Variants in SSH1 observed in about 807,000 individuals in gnomAD.
The protein encoded by SSH1 is slingshot protein phosphatase 1, also known as protein phosphatase Slingshot homolog 1.
Under a neutral mutation model 79.7 loss-of-function variants are expected in SSH1, and 43 were observed. The ratio of observed to expected loss-of-function variants is 0.54; its 90% CI spans 0.42 to 0.70. SSH1 has a LOEUF of 0.70. SSH1 is among the 30% of genes least tolerant of loss of function. SSH1 has a pLI of 0.00. For missense variants in SSH1, 1,206 were observed against 1,358.8 expected, an observed-to-expected ratio of 0.89 and a Z score of 1.77; for synonymous variants, 599 against 538.3, an observed-to-expected ratio of 1.11 and a Z score of -1.56.
chr12:108,811,220 C>T (rs1565990984), intron 6 of SSH1, 40 bp downstream of exon 6: 1 of 1,592,800 alleles, frequency 6.3e-7, no homozygotes, highest in African/African-American at 1.3e-5. Context: ...TCAATGCCTA[C>T]TACATACAGT....
rs889937196 is a variant in SSH1 at position 108,786,990 on chromosome 12, C to T, written c.*998G>A. On this transcript the variant is annotated 3_prime_UTR_variant, in exon 15 of 15. Transcript: ENST00000326495. ...GCAGGAAGGGGCAACTGTAGACATC[C>T]GGGAAGCATCCCGACAGTCCCGTTC... 2.0e-5 allele frequency: 3 copies of T among 152,296 alleles called. No homozygotes were observed. Among genetic ancestry groups the T allele is most frequent in the East Asian group, 1.9e-4 (1 of 5,182 alleles). 9.4% of individuals were successfully genotyped at this position (152,296 alleles called of 1,614,324 possible). A position where few individuals can be genotyped will look rare whatever the true frequency, so the allele number is the denominator to read the frequency against.
intron 12 of SSH1, 102 bp downstream of exon 12, chr12:108,800,678 C>A (rs1296523467): frequency 6.8e-7 from 1 of 1,462,574 alleles, no homozygotes; most frequent in East Asian, 2.3e-5. Context: ...TAGGATCCCC[C>A]CTCCCACCAG....
At position 108,789,916 on chromosome 12, in the gene SSH1, A is replaced by G. The variant is rs2036431197; in HGVS notation, c.1894-672T>C. Among the ~76,000 whole-genome samples, 3 of 151,930 alleles carry G rather than the reference A, an allele frequency of 2.0e-5. No individual in the cohort carries two copies. In the South Asian group the frequency reaches 6.2e-4, roughly 32 times the overall value. On this transcript the variant is annotated intron_variant, in intron 14 of 14. Transcript: ENST00000326495. The stretch of plus-strand genomic sequence containing the variant: ...ACTATGTTGCCCAGGCTGGTCTCGA[A>G]CTCCTGGGCTCAAGTGTTCCTCCTG...
intron 2 of SSH1, among the ~76,000 whole-genome samples, chr12:108,825,356 C>G (rs952635695): frequency 6.6e-6 from 1 of 152,184 alleles, no homozygotes; most frequent in Non-Finnish European, 1.5e-5. Context: ...AAAAACTCAG[C>G]AAAGTCTAAA....
Position 108,788,637 on chromosome 12 carries a change from C to T in SSH1, c.2501G>A (p.Ser834Asn), listed in dbSNP as rs771705679. ...GGGAGGTGCTGGGTCTGCAGGCACG[C>T]TCTTCAGCCGCTCTAGCTCTTTGGT... is the stretch of plus-strand genomic sequence containing the variant. ...KHTKELERLK[S>N]VPADPAPPSR... is the part of the protein sequence containing the mutation. Residue 834 changes from serine (S) to asparagine (N), a missense_variant, in exon 15 of 15, where the codon AGC (serine) becomes AAC (asparagine). Physicochemically the swap from Ser to Asn is conservative, Grantham distance 46. Coordinates refer to ENST00000326495, the MANE Select transcript of SSH1 (RefSeq NM_018984.4). 2.5e-6 allele frequency: 4 copies of T among 1,613,526 alleles called. No individual in the cohort carries two copies. Among genetic ancestry groups the T allele is most frequent in the Non-Finnish European group, 3.4e-6 (4 of 1,179,584 alleles).
At chr12:108,789,665 G>A (rs577643255) in intron 14 of SSH1, among the ~76,000 whole-genome samples, 1 of 152,240 alleles carries the variant, frequency 6.6e-6, no homozygotes, top group East Asian at 1.9e-4. Flanking sequence ...TCCGCGGAGG[G>A]AAGGCTTCCC....
chr12:108,820,963 G>A (rs550428404), intron 3 of SSH1, among the ~76,000 whole-genome samples: 1 of 152,364 alleles, frequency 6.6e-6, no homozygotes, highest in Non-Finnish European at 1.5e-5. Context: ...CTTTGGATTA[G>A]AGGAAGGAGG....
chr12:108,814,763 G>A (rs1036020267), intron 5 of SSH1, among the ~76,000 whole-genome samples: 3 of 152,250 alleles, frequency 2.0e-5, no homozygotes, highest in African/African-American at 7.2e-5. Context: ...GAGCATGCAG[G>A]AGAGGCGAGG....
chr12:108,805,255 G>A (rs1027161691), intron 9 of SSH1, 71 bp from the exon 10 acceptor site: 1 of 1,558,654 alleles, frequency 6.4e-7, no homozygotes, highest in African/African-American at 1.4e-5. Context: ...AAGAATTAAA[G>A]TTACAATGGA....
intron 2 of SSH1, among the ~76,000 whole-genome samples, chr12:108,833,471 A>G (rs1455697597): frequency 6.6e-6 from 1 of 152,230 alleles, no homozygotes; most frequent in Admixed American, 6.5e-5. Context: ...CGACTGTCCC[A>G]GGTTCTCAGC....
intron 9 of SSH1, among the ~76,000 whole-genome samples, 160 bp from the exon 10 acceptor site, chr12:108,805,344 G>A (rs1468866013): frequency 6.6e-6 from 1 of 152,200 alleles, no homozygotes; most frequent in Non-Finnish European, 1.5e-5. Flanking sequence ...ACATACATGC[G>A]TGGGTGGCAG....
chr12:108,855,963 AG>A (rs2039135036), intron 1 of SSH1, among the ~76,000 whole-genome samples: 2 of 152,350 alleles, frequency 1.3e-5, no homozygotes, highest in Admixed American at 1.3e-4. Context: ...ACCAGGAGAC[AG>A]GGCTGTCAAG....
intron 2 of SSH1, among the ~76,000 whole-genome samples, chr12:108,845,486 G>A (rs1416644890): frequency 2.0e-5 from 3 of 152,146 alleles, no homozygotes; most frequent in African/African-American, 2.4e-5. Flanking sequence ...TCAGGTGCTC[G>A]AGACCAACCT....
intron 13 of SSH1, among the ~76,000 whole-genome samples, chr12:108,797,219 T>A (rs1314243127): frequency 6.6e-6 from 1 of 151,966 alleles, no homozygotes; most frequent in African/African-American, 2.4e-5. Flanking sequence ...CTCTGCCCCC[T>A]GGGCTCAAGC....
At chr12:108,855,174 G>A (rs2039119495) in intron 1 of SSH1, among the ~76,000 whole-genome samples, 1 of 152,172 alleles carries the variant, frequency 6.6e-6, no homozygotes, top group Admixed American at 6.5e-5. Flanking sequence ...ATGAAGTACT[G>A]CCACATGCTA....
chr12:108,801,225 A>G (rs537814628), intron 11 of SSH1, among the ~76,000 whole-genome samples: 1 of 152,372 alleles, frequency 6.6e-6, no homozygotes, highest in South Asian at 2.1e-4. Flanking sequence ...ACTTAAATTT[A>G]TAACTATTCA....
At chr12:108,795,635 C>T (rs1045595352) in intron 13 of SSH1, among the ~76,000 whole-genome samples, 3 of 151,754 alleles carry the variant, frequency 2.0e-5, no homozygotes, top group Non-Finnish European at 4.4e-5. Context: ...GTGGAAGGAT[C>T]GATTGAGCCC....
At chr12:108,835,926 TATA>T (rs2038600896) in intron 2 of SSH1, among the ~76,000 whole-genome samples, 1 of 103,956 alleles carries the variant, frequency 9.6e-6, no homozygotes. Flanking sequence ...ACTATATTAA[TATA>T]ATCAATTATA....
Position 108,857,471 on chromosome 12 carries a change from G to A in SSH1, c.26C>T (p.Ser9Leu). 1.8e-6 allele frequency: 2 copies of A among 1,132,856 alleles called. No homozygotes were observed. The highest frequency in any genetic ancestry group is 9.5e-5 in the East Asian group (1 of 10,478). 70.2% of individuals were successfully genotyped at this position (1,132,856 alleles called of 1,614,324 possible). A position where few individuals can be genotyped will look rare whatever the true frequency, so the allele number is the denominator to read the frequency against. The change falls in exon 1 of 15, where the codon TCG becomes TTG. Residue 9 changes from serine to leucine, a missense_variant. Physicochemically the swap from Ser to Leu is moderately radical, Grantham distance 145. This residue lies in a region of SSH1 where 100 missense variants were observed against 82.3 expected (regional missense o/e 1.21). Transcript: ENST00000326495. This position sits in a 1 kb window ranked among gnomAD's most constrained non-coding sequence, Gnocchi z 4.7. ...GGAGGAGGCGGCGCTGGGCGTGGGC[G>A]AGCGCTGCAGGGTCACCAGGGCCAT... MALVTLQR[S>L]PTPSAASSSA...
Sources: gnomAD v4.1 joint callset for allele counts (sites outside exome capture counted in the v4.1 genomes callset) on GRCh38, gnomAD v4.1.1 for gene constraint, gnomAD v4.1.1 regional missense constraint, Gnocchi (gnomAD v3.1) non-coding constraint, MANE v1.5 for transcripts, NCBI Gene and HGNC (gene_info 2026-07-23, HGNC 2026-07-21) for gene names.